Variants in AVEN observed in about 807,000 individuals in gnomAD.
AVEN encodes apoptosis and caspase activation inhibitor, also known as cell death regulator Aven.
Under a neutral mutation model 38.1 loss-of-function variants are expected in AVEN, and 41 were observed. The observed-to-expected ratio is 1.08, with a 90% CI of 0.84 to 1.40. The LOEUF is 1.40. AVEN is among the 40% of genes most tolerant of loss of function. The pLI, the probability that AVEN is intolerant of heterozygous loss-of-function variation, is 0.00. For missense variants in AVEN, 605 were observed against 438.8 expected, an observed-to-expected ratio of 1.38 and a Z score of -3.38; for synonymous variants, 206 against 171.8, an observed-to-expected ratio of 1.20 and a Z score of -1.56.
downstream of AVEN, chr15:33,854,688 C>A (rs1420405959): frequency 6.6e-7 from 1 of 1,525,514 alleles, no homozygotes; most frequent in Non-Finnish European, 8.8e-7. Context: ...GTGTGTCTCC[C>A]AAAATAAGAA....
chr15:33,889,353 G>C (rs778649604), intron 2 of AVEN, among the ~76,000 whole-genome samples: 2 of 152,182 alleles, frequency 1.3e-5, no homozygotes, highest in Non-Finnish European at 2.9e-5. Context: ...ATTTCTGTAA[G>C]TATCCAGCAG....
intron 1 of AVEN, among the ~76,000 whole-genome samples, chr15:34,008,112 G>GA (rs780982534): frequency 1.3e-5 from 2 of 152,102 alleles, no homozygotes; most frequent in South Asian, 4.2e-4. Flanking sequence ...TATCACAGGA[G>GA]AAAAAAATAG....
At chr15:33,922,757 C>A (rs966516252) in intron 2 of AVEN, among the ~76,000 whole-genome samples, 5 of 152,062 alleles carry the variant, frequency 3.3e-5, no homozygotes, top group African/African-American at 1.2e-4. Context: ...CAACCTAATT[C>A]TCTATATTAT....
At chr15:34,062,841 C>A (rs770776737) in intron 5 of AVEN, 1 of 1,614,226 alleles carries the variant, frequency 6.2e-7, no homozygotes, top group South Asian at 1.1e-5. Flanking sequence ...TGTGGTAAGC[C>A]TGATCACCAT....
chr15:33,997,570 T>C (rs561584233), intron 2 of AVEN, among the ~76,000 whole-genome samples: 1 of 152,264 alleles, frequency 6.6e-6, no homozygotes, highest in African/African-American at 2.4e-5. Context: ...CATTCTAATC[T>C]ACAGCCACCA....
At chr15:34,072,269 T>TA (rs1900642773) in intron 1 of AVEN, among the ~76,000 whole-genome samples, 2 of 144,902 alleles carry the variant, frequency 1.4e-5, no homozygotes, top group Admixed American at 1.4e-4. Flanking sequence ...ACCCTGTCTT[T>TA]AAAAAAATAA....
Position 34,038,766 on chromosome 15 carries a change from C to A in AVEN, c.267+14G>T. 8.6e-7 allele frequency: 1 copy of A among 1,167,234 alleles called. No homozygotes were observed. The highest frequency in any genetic ancestry group is 1.1e-6 in the Non-Finnish European group (1 of 948,104). The allele number at this position is 1,167,234 out of a possible 1,614,324, so 72.3% of individuals were successfully genotyped here. On this transcript the variant is annotated intron_variant, in intron 1 of 5. Coordinates refer to ENST00000306730, the MANE Select transcript of AVEN (RefSeq NM_020371.3). ...TTACACGCGGTCCCAGCCCCACCAG[C>A]CGTCGCCTCTTACCGGCGCGCTGGC... is the stretch of plus-strand genomic sequence containing the variant.
At chr15:33,864,834 T>TCAGCTTATTGCTAAATCTTTA (rs1436745363), downstream of AVEN, 5 of 310,224 alleles carry the variant, frequency 1.6e-5, no homozygotes, top group Non-Finnish European at 3.0e-5. Context: ...CGGCATGGAA[T>TCAGCTTATTGCTAAATCTTTA]CAGCTTATTG....
At chr15:33,918,458 C>CTTTTTTTTTTTTTTTT (rs33928063) in intron 2 of AVEN, among the ~76,000 whole-genome samples, 5 of 84,504 alleles carry the variant, frequency 5.9e-5, no homozygotes, top group East Asian at 3.9e-4. Flanking sequence ...TAAATTACAG[C>CTTTTTTTTTTTTTTTT]TTTTTTTTTT....
intron 2 of AVEN, among the ~76,000 whole-genome samples, chr15:33,984,361 C>A (rs988382387): frequency 2.0e-5 from 3 of 151,374 alleles, no homozygotes; most frequent in African/African-American, 7.3e-5. Flanking sequence ...AGATATTCTG[C>A]AAACTCAGTC....
At chr15:33,990,365 G>C (rs941025746) in intron 2 of AVEN, among the ~76,000 whole-genome samples, 2 of 152,118 alleles carry the variant, frequency 1.3e-5, no homozygotes, top group East Asian at 3.9e-4. Context: ...ATGGGCGACA[G>C]AGTGAGACCC....
intron 2 of AVEN, among the ~76,000 whole-genome samples, chr15:33,924,150 T>G (rs991519450): frequency 6.6e-6 from 1 of 151,940 alleles, no homozygotes; most frequent in African/African-American, 2.4e-5. Flanking sequence ...GGACCACTAA[T>G]GCATAGTATT....
intron 2 of AVEN, among the ~76,000 whole-genome samples, chr15:33,960,443 TGAGA>T (rs57914477): frequency 0.27 from 41,014 of 150,598 alleles, 7,328 homozygotes; most frequent in African/African-American, 0.51. Flanking sequence ...GTTGTGTGTG[TGAGA>T]GAGAGAGAGA....
chr15:34,074,502 G>A (rs1221347440), exon 1 of AVEN, among the ~76,000 whole-genome samples: 4 of 152,136 alleles, frequency 2.6e-5, no homozygotes, highest in Admixed American at 6.5e-5. Flanking sequence ...TCCCTCTGAA[G>A]GAACTGAGAA....
chr15:34,057,376 G>T (rs1237348621), intron 5 of AVEN, among the ~76,000 whole-genome samples: 1 of 150,718 alleles, frequency 6.6e-6, no homozygotes, highest in African/African-American at 2.4e-5. Flanking sequence ...TCTCTTTACC[G>T]CATGATCCAC....
intron 2 of AVEN, among the ~76,000 whole-genome samples, chr15:33,988,040 C>T (rs1045050133): frequency 1.3e-5 from 2 of 152,324 alleles, no homozygotes; most frequent in South Asian, 4.1e-4. Context: ...AACTGGGAGC[C>T]TCACAGTGCA....
At chr15:33,875,401 A>C (rs549181001) in intron 3 of AVEN, among the ~76,000 whole-genome samples, 1 of 152,254 alleles carries the variant, frequency 6.6e-6, no homozygotes, top group Admixed American at 6.5e-5. Context: ...TGGGAAGAAA[A>C]TATTACATAC....
chr15:34,070,058 C>T (rs905690681), intron 2 of AVEN, among the ~76,000 whole-genome samples: 1 of 152,142 alleles, frequency 6.6e-6, no homozygotes. Flanking sequence ...TTCTGCATGG[C>T]TGGGGAGGCC....
chr15:33,963,796 C>CAAAAA (rs57116335), intron 2 of AVEN, among the ~76,000 whole-genome samples: 1 of 112,448 alleles, frequency 8.9e-6, no homozygotes, highest in Non-Finnish European at 1.7e-5. Flanking sequence ...GACTCTGTCT[C>CAAAAA]AAAAAAAAAA....
Sources: gnomAD v4.1 joint callset for allele counts (sites outside exome capture counted in the v4.1 genomes callset) on GRCh38, gnomAD v4.1.1 for gene constraint, MANE v1.5 for transcripts, NCBI Gene and HGNC (gene_info 2026-07-23, HGNC 2026-07-21) for gene names.